Variants in ADGRL3 observed in about 807,000 individuals in gnomAD.
ADGRL3 encodes adhesion G protein-coupled receptor L3, also known as calcium-independent alpha-latrotoxin receptor 3.
In ADGRL3, 62 loss-of-function variants were observed where a neutral mutation model predicts 153.5. The observed-to-expected ratio is 0.40, with a 90% CI of 0.33 to 0.50. The LOEUF (loss-of-function observed/expected upper bound fraction) is 0.50. Ranked by LOEUF, ADGRL3 falls within the 20% of genes least tolerant of loss-of-function variation. The pLI, the probability that ADGRL3 is intolerant of heterozygous loss-of-function variation, is 0.47. For synonymous variants in ADGRL3, 710 were observed against 672.5 expected (o/e 1.06, Z -0.86); for missense variants, 1,641 against 1,859.4 (o/e 0.88, Z 2.16).
At chr4:61,940,005 G>A (rs1339600026) in intron 15 of ADGRL3, among the ~76,000 whole-genome samples, 4 of 144,264 alleles carry the variant, frequency 2.8e-5, no homozygotes, top group South Asian at 2.3e-4. Context: ...ATGTATACAT[G>A]TGCCATGCTG....
At chr4:62,006,151 C>T (rs2099158377) in intron 21 of ADGRL3, among the ~76,000 whole-genome samples, 1 of 150,780 alleles carries the variant, frequency 6.6e-6, no homozygotes, top group Non-Finnish European at 1.5e-5. Flanking sequence ...TCTCCTGCCT[C>T]AGCCTCCCAA....
chr4:62,034,125 A>G (rs992100802), intron 23 of ADGRL3, among the ~76,000 whole-genome samples: 5 of 151,792 alleles, frequency 3.3e-5, no homozygotes, highest in African/African-American at 9.7e-5. Context: ...TTTAAAATAT[A>G]TATGTCATCA....
At chr4:61,426,447 G>A (rs914178520) in intron 2 of ADGRL3, among the ~76,000 whole-genome samples, 2 of 42,962 alleles carry the variant, frequency 4.7e-5, no homozygotes, top group Non-Finnish European at 1.1e-4. Flanking sequence ...CATCGGGAAT[G>A]GGGGGGTGCC....
At chr4:61,727,670 A>T (rs1241715169) in intron 6 of ADGRL3, among the ~76,000 whole-genome samples, 1 of 152,084 alleles carries the variant, frequency 6.6e-6, no homozygotes, top group Non-Finnish European at 1.5e-5. Context: ...CCACCCATAT[A>T]CTTTTTCTTC....
chr4:61,254,639 T>C (rs1237372918), intron 1 of ADGRL3, among the ~76,000 whole-genome samples: 1 of 152,188 alleles, frequency 6.6e-6, no homozygotes, highest in African/African-American at 2.4e-5. Context: ...GTTGTACAAG[T>C]GTGAACATGC....
intron 5 of ADGRL3, among the ~76,000 whole-genome samples, chr4:61,628,274 T>C (rs2092951579): frequency 6.6e-6 from 1 of 152,138 alleles, no homozygotes; most frequent in South Asian, 2.1e-4. Context: ...TGGAGACAAA[T>C]GTGAGCAGTT....
chr4:62,074,051 T>C lies in ADGRL3; in HGVS notation c.*3143T>C, dbSNP rs1012648081. On this transcript the variant is annotated 3_prime_UTR_variant, in exon 27 of 27. Transcript: ENST00000683033. ...TTGAATCTTTTTCTTCATATACATT[T>C]TCTTATAGAGCTATTGATGAATTAA... 6.6e-6 allele frequency: 1 copy of C among 152,132 alleles called. No homozygotes were observed. Among genetic ancestry groups the C allele is most frequent in the African/African-American group, 2.4e-5 (1 of 41,444 alleles). 9.4% of individuals were successfully genotyped at this position (152,132 alleles called of 1,614,324 possible).
chr4:61,574,016 T>A (rs2098850365), intron 4 of ADGRL3, among the ~76,000 whole-genome samples: 1 of 152,000 alleles, frequency 6.6e-6, no homozygotes, highest in South Asian at 2.1e-4. Context: ...AGTTTATTTT[T>A]AAAATTGTTT....
chr4:61,350,263 T>C (rs2151301634), intron 1 of ADGRL3, among the ~76,000 whole-genome samples: 1 of 152,244 alleles, frequency 6.6e-6, no homozygotes, highest in South Asian at 2.1e-4. Context: ...GGACTTTGAA[T>C]TCTGTACAGA....
At chr4:61,229,897 T>TC (rs5858681) in intron 1 of ADGRL3, among the ~76,000 whole-genome samples, 150,528 of 152,062 alleles carry the variant, frequency 0.99, 74,515 homozygotes, top group Middle Eastern at 1. Flanking sequence ...TGAGACCCTG[T>TC]TCTTAAATAT....
chr4:61,437,652 C>T (rs940494079), intron 2 of ADGRL3, among the ~76,000 whole-genome samples: 1 of 152,252 alleles, frequency 6.6e-6, no homozygotes, highest in East Asian at 1.9e-4. Context: ...CATTTTCATC[C>T]TATAATTCTC....
intron 1 of ADGRL3, among the ~76,000 whole-genome samples, chr4:61,260,927 T>C (rs1282135807): frequency 6.6e-6 from 1 of 152,104 alleles, no homozygotes; most frequent in East Asian, 1.9e-4. Context: ...GCTCCCACTA[T>C]ATTGCCCAGG....
chr4:61,408,990 T>C (rs2152237836), intron 2 of ADGRL3, among the ~76,000 whole-genome samples: 1 of 151,826 alleles, frequency 6.6e-6, no homozygotes, highest in East Asian at 1.9e-4. Flanking sequence ...AATTTTGTAT[T>C]CCTGACCCTT....
chr4:62,074,914 A>G lies in ADGRL3; in HGVS notation c.*4006A>G, dbSNP rs536698965. On this transcript the variant is annotated 3_prime_UTR_variant, in exon 27 of 27. Transcript: ENST00000683033. Reference sequence around the variant, plus strand: ...TTAGTAACATTTATAAAGGACCCACATATTTAATTTTAGGCATTGTCTTCA... The same window carrying G: ...TTAGTAACATTTATAAAGGACCCACGTATTTAATTTTAGGCATTGTCTTCA... 5 of 152,256 alleles carry G rather than the reference A, an allele frequency of 3.3e-5. No homozygotes were observed. The East Asian group carries it at 9.7e-4, about 29-fold the overall frequency. 9.4% of individuals were successfully genotyped at this position (152,256 alleles called of 1,614,324 possible). A position where few individuals can be genotyped will look rare whatever the true frequency, so the allele number is the denominator to read the frequency against.
Position 61,733,374 on chromosome 4 carries a change from A to C in ADGRL3, c.1219A>C (p.Ile407Leu). 1 of 1,613,758 alleles carries C rather than the reference A, an allele frequency of 6.2e-7. No individual in the cohort carries two copies. ...TGACAATGAGGCTACTGGAAATAAG[A>C]TTGACTACATTTACAACACTGACCA... ...DDDNEATGNKIDYIYNTDQSK... is the reference protein window; with the variant it reads ...DDDNEATGNKLDYIYNTDQSK... The change falls in exon 8 of 27, where the codon ATT becomes CTT. Residue 407 changes from isoleucine to leucine, a missense_variant. Around this residue, in one of 5 missense-constraint regions of ADGRL3, gnomAD observed 734 missense variants for 797.0 expected, o/e 0.92. Coordinates refer to ENST00000683033, the MANE Select transcript of ADGRL3 (RefSeq NM_001387552.1).
chr4:61,528,592 T>C (rs1293644815), intron 4 of ADGRL3, among the ~76,000 whole-genome samples: 1 of 152,108 alleles, frequency 6.6e-6, no homozygotes, highest in Non-Finnish European at 1.5e-5. Flanking sequence ...TAAGCTCTAG[T>C]AGAAGCTAGG....
intron 5 of ADGRL3, among the ~76,000 whole-genome samples, chr4:61,645,707 C>G (rs1424547470): frequency 1.3e-5 from 2 of 151,894 alleles, no homozygotes; most frequent in Non-Finnish European, 2.9e-5. Context: ...TTCTCTCTGG[C>G]TGCCCTTAAC....
chr4:61,890,436 T>A (rs2098568183), intron 9 of ADGRL3, among the ~76,000 whole-genome samples: 1 of 151,648 alleles, frequency 6.6e-6, no homozygotes, highest in Non-Finnish European at 1.5e-5. Context: ...GCTGAGAAGT[T>A]CAAGGTCAAG....
In ADGRL3 at chr4:62,017,943, G is replaced by A. The variant is rs566474449; in HGVS notation, c.3396-10912G>A. ...CTGTCACCCAGGCTGGAGTACAGTG[G>A]CGTGATCTTGGCTCACTGCAACCCC... On this transcript the variant is annotated intron_variant, in intron 21 of 26. Coordinates refer to ENST00000683033, the MANE Select transcript of ADGRL3 (RefSeq NM_001387552.1). Among the ~76,000 whole-genome samples, 7 of 152,160 alleles carry A rather than the reference G, an allele frequency of 4.6e-5. No homozygotes were observed. In the East Asian group the frequency reaches 5.8e-4, roughly 13 times the overall value.
Sources: allele counts gnomAD v4.1 joint callset (sites outside exome capture counted in the v4.1 genomes callset), GRCh38; gene constraint gnomAD v4.1.1; regional missense constraint gnomAD v4.1.1; transcripts MANE v1.5; gene names NCBI Gene and HGNC (gene_info 2026-07-23, HGNC 2026-07-21).